Variants in KRT37 observed in about 807,000 individuals in gnomAD.
The protein encoded by KRT37 is keratin, type I cuticular Ha7.
Under a neutral mutation model 41.9 loss-of-function variants are expected in KRT37, and 38 were observed. The observed-to-expected ratio is 0.91, with a 90% CI of 0.70 to 1.19. The LOEUF (loss-of-function observed/expected upper bound fraction) is 1.19. Ranked by LOEUF, KRT37 falls within the 50% of genes most tolerant of loss-of-function variation. The pLI is 0.00. For missense variants in KRT37, 580 were observed against 575.5 expected, an observed-to-expected ratio of 1.01 and a Z score of -0.08; for synonymous variants, 252 against 243.4, an observed-to-expected ratio of 1.04 and a Z score of -0.33.
At position 41,424,274 on chromosome 17, in the gene KRT37, G is replaced by T. The variant is rs769204620; in HGVS notation, c.250C>A (p.His84Asn). 6.2e-7 allele frequency: 1 copy of T among 1,614,220 alleles called. No homozygotes were observed. The highest frequency in any genetic ancestry group is 8.5e-7 in the Non-Finnish European group (1 of 1,180,036). ...HTACPLPGTC[H>N]IPGNIGICGA... is the part of the protein sequence containing the mutation. ...CAGATTCCGATGTTGCCGGGAATGT[G>T]ACAGGTCCCTGGCAAGGGACAAGCA... The change falls in exon 1 of 7, where the codon CAC becomes AAC. Residue 84 changes from histidine (H) to asparagine (N), a missense_variant. By Grantham distance (68) the His-to-Asn change is moderately conservative. Coordinates refer to ENST00000225550, the MANE Select transcript of KRT37 (RefSeq NM_003770.5).
In KRT37 at chr17:41,424,526, T is replaced by C. The variant is rs73983421; in HGVS notation, c.-3A>G. On this transcript the variant is annotated 5_prime_UTR_variant, in exon 1 of 7. Transcript: ENST00000225550. ...GAGGTGCTGTAGAAGGAGGTCATGG[T>C]GTAGGGCTGAGGCTGCACAGGAGCT... The C allele has an allele frequency of 1.7e-3, 2,699 of 1,566,016 alleles. 34 individuals carry two copies. In the African/African-American group the frequency reaches 0.032, roughly 18 times the overall value.
At position 41,424,139 on chromosome 17, in the gene KRT37, T is replaced by A. The variant is rs1418324656; in HGVS notation, c.385A>T (p.Asn129Tyr). The change falls in exon 1 of 7, where the codon AAT becomes TAT. Residue 129 changes from asparagine to tyrosine, a missense_variant. Asn to Tyr is a moderately radical substitution (Grantham distance 143). Coordinates refer to ENST00000225550, the MANE Select transcript of KRT37 (RefSeq NM_003770.5). ...AGGAGTGTGGTCTCCAGCTCTGCATTCTCCTGCTCCAGCTGGCGCACCTTC... is the reference window on the plus strand; with the variant it reads ...AGGAGTGTGGTCTCCAGCTCTGCATACTCCTGCTCCAGCTGGCGCACCTTC... ...LEKVRQLEQE[N>Y]AELETTLLER... 3 of 1,614,066 alleles carry A rather than the reference T, an allele frequency of 1.9e-6. No individual in the cohort carries two copies. The highest frequency in any genetic ancestry group is 2.5e-6 in the Non-Finnish European group (3 of 1,180,048).
At position 41,420,758 on chromosome 17, in the gene KRT37, T is replaced by A; in HGVS notation, c.*120A>T. ...GGAGCCACTCCTTGGAAGTATCTGC[T>A]ACCGGTTGATTTAGGGAAAATGCCT... is the stretch of plus-strand genomic sequence containing the variant. On this transcript the variant is annotated 3_prime_UTR_variant, in exon 7 of 7. Coordinates refer to ENST00000225550, the MANE Select transcript of KRT37 (RefSeq NM_003770.5). 1.6e-6 allele frequency: 1 copy of A among 617,572 alleles called. No individual in the cohort carries two copies. Among genetic ancestry groups the A allele is most frequent in the Middle Eastern group, 2.7e-4 (1 of 3,716 alleles). The allele number at this position is 617,572 out of a possible 1,614,324, so 38.3% of individuals were successfully genotyped here. A position where few individuals can be genotyped will look rare whatever the true frequency, so the allele number is the denominator to read the frequency against.
rs370526390 is a variant in KRT37, at chr17:41,422,859, C to G, written c.651G>C (p.Ala217=). 18 of 1,613,982 alleles carry G rather than the reference C, an allele frequency of 1.1e-5. No individual in the cohort carries two copies. The highest frequency in any genetic ancestry group is 2.7e-5 in the African/African-American group (2 of 74,940). ...CCTCCAGGTCGGCCTTGGCCAGGGTCGCGTCATCCAGGAGCTTCTGCGTCC... is the reference window on the plus strand; with the variant it reads ...CCTCCAGGTCGGCCTTGGCCAGGGTGGCGTCATCCAGGAGCTTCTGCGTCC... ...KCGTQKLLDD[A]TLAKADLEAQ... The change falls in exon 3 of 7, where the codon GCG becomes GCC. Residue 217 remains alanine, a synonymous_variant. Coordinates refer to ENST00000225550, the MANE Select transcript of KRT37 (RefSeq NM_003770.5).
chr17:41,424,551 T>C lies in KRT37; in HGVS notation c.-28A>G. ...TGTAGGGCTGAGGCTGCACAGGAGC[T>C]TCAGATCAGCTGGGAAGGCTGAGCC... is the stretch of plus-strand genomic sequence containing the variant. On this transcript the variant is annotated 5_prime_UTR_variant, in exon 1 of 7. Transcript: ENST00000225550. 1 of 1,534,784 alleles carries C rather than the reference T, an allele frequency of 6.5e-7. No individual in the cohort carries two copies. Among genetic ancestry groups the C allele is most frequent in the Non-Finnish European group, 8.8e-7 (1 of 1,138,912 alleles).
At position 41,421,385 on chromosome 17, in the gene KRT37, A is replaced by G. The variant is rs972853880; in HGVS notation, c.1223T>C (p.Leu408Pro). ...ENEIATYRNL[L>P]ESEDCKLPCN... ...CACGTACTTGCAGTCCTCGCTCTCCAGAAGGTTCCGGTATGTGGCAATCTC... is the reference window on the plus strand; with the variant it reads ...CACGTACTTGCAGTCCTCGCTCTCCGGAAGGTTCCGGTATGTGGCAATCTC... Residue 408 changes from leucine to proline, a missense_variant, in exon 6 of 7, where the codon CTG becomes CCG. Coordinates refer to ENST00000225550, the MANE Select transcript of KRT37 (RefSeq NM_003770.5). 1.9e-6 allele frequency: 3 copies of G among 1,614,098 alleles called. No individual in the cohort carries two copies. In the African/African-American group the frequency reaches 4.0e-5, roughly 22 times the overall value.
chr17:41,422,524 A>G, intron 3 of KRT37, 90 bp from the exon 4 acceptor site: 1 of 1,522,800 alleles, frequency 6.6e-7, no homozygotes, highest in South Asian at 1.2e-5. Context: ...GGCAAGCAGT[A>G]GGAGGGGAGT....
At position 41,421,444 on chromosome 17, in the gene KRT37, C is replaced by T. The variant is rs773615342; in HGVS notation, c.1164G>A (p.Gln388=). 3 of 1,614,234 alleles carry T rather than the reference C, an allele frequency of 1.9e-6. No homozygotes were observed. The highest frequency in any genetic ancestry group is 2.2e-5 in the South Asian group (2 of 91,090). ...ADLERQNQEY[Q]VLLDVKARLE... The stretch of plus-strand genomic sequence containing the variant: ...ACCGGGCCTTCACGTCCAGCAGCAC[C>T]TGGTACTCCTGGTTCTGCCGCTCCA... The change falls in exon 6 of 7, where the codon CAG becomes CAA. Residue 388 remains glutamine (Q), a synonymous_variant. Transcript: ENST00000225550.
chr17:41,423,985 C>T (rs766840317), intron 1 of KRT37, 47 bp downstream of exon 1: 2 of 1,604,272 alleles, frequency 1.2e-6, no homozygotes, highest in South Asian at 2.2e-5. Flanking sequence ...CCTGCGAAGG[C>T]TTCTGCCTTC....
At chr17:41,421,859 A>G (rs569056942) in intron 5 of KRT37, among the ~76,000 whole-genome samples, 33 of 152,242 alleles carry the variant, frequency 2.2e-4, no homozygotes, top group African/African-American at 7.2e-4. Flanking sequence ...GAACTTCCGC[A>G]CTGTGTTGTA....
Position 41,423,599 on chromosome 17 carries a change from A to G in KRT37, c.575+163T>C, listed in dbSNP as rs530342755. The G allele has an allele frequency of 8.9e-5, 56 of 632,358 alleles. No individual in the cohort carries two copies. The Middle Eastern group carries it at 2.5e-3, about 29-fold the overall frequency. 39.2% of individuals were successfully genotyped at this position (632,358 alleles called of 1,614,324 possible). ...ATGCTTATATTCTCTTTCCTCCTAT[A>G]TAATGACCATTTCTAGCAACAGGCT... On this transcript the variant is annotated intron_variant, in intron 2 of 6. Coordinates refer to ENST00000225550, the MANE Select transcript of KRT37 (RefSeq NM_003770.5).
rs765141423 is a variant in KRT37, at chr17:41,421,410, C to G, written c.1198G>C (p.Glu400Gln). The G allele has an allele frequency of 1.2e-6, 2 of 1,614,244 alleles. No individual in the cohort carries two copies. The highest frequency in any genetic ancestry group is 1.7e-6 in the Non-Finnish European group (2 of 1,180,044). The change falls in exon 6 of 7, where the codon GAG (glutamate) becomes CAG (glutamine). Residue 400 changes from glutamate to glutamine, a missense_variant. By Grantham distance (29) the Glu-to-Gln change is conservative (BLOSUM62 2). Transcript: ENST00000225550. ...LLDVKARLEN[E>Q]IATYRNLLES... ...AGAAGGTTCCGGTATGTGGCAATCT[C>G]GTTCTCCAACCGGGCCTTCACGTCC...
chr17:41,421,682 A>G, intron 5 of KRT37, 95 bp from the exon 6 acceptor site: 1 of 1,176,290 alleles, frequency 8.5e-7, no homozygotes, highest in Non-Finnish European at 1.2e-6. Context: ...GCAAATTCCA[A>G]AATGTCATAG....
Position 41,421,944 on chromosome 17 carries a change from C to T in KRT37, c.1020+125G>A, listed in dbSNP as rs192187389. On this transcript the variant is annotated intron_variant, in intron 5 of 6. Transcript: ENST00000225550. ...GAACTTGACAGCAAGACGTCTCCATCGGGTATAGAGGACCCCAGATCTTGA... is the reference window on the plus strand; with the variant it reads ...GAACTTGACAGCAAGACGTCTCCATTGGGTATAGAGGACCCCAGATCTTGA... 1.4e-3 allele frequency: 2,065 copies of T among 1,506,016 alleles called. 7 individuals are homozygous for T. Among genetic ancestry groups the T allele is most frequent in the Non-Finnish European group, 1.6e-3 (1,830 of 1,110,220 alleles). The allele number at this position is 1,506,016 out of a possible 1,614,324, so 93.3% of individuals were successfully genotyped here. A position where few individuals can be genotyped will look rare whatever the true frequency, so the allele number is the denominator to read the frequency against.
In KRT37 at chr17:41,422,200, G is replaced by C. The variant is rs370559278; in HGVS notation, c.895-6C>G. 6.2e-7 allele frequency: 1 copy of C among 1,614,142 alleles called. No individual in the cohort carries two copies. On this transcript the variant is annotated splice_region_variant and splice_polypyrimidine_tract_variant and intron_variant, in intron 4 of 6. Transcript: ENST00000225550. ...TGCAGGCTGATGCCTTCAGACTGGAGCACAGAGAAACACAGTCACCTCCCT... is the reference window on the plus strand; with the variant it reads ...TGCAGGCTGATGCCTTCAGACTGGACCACAGAGAAACACAGTCACCTCCCT...
At chr17:41,421,917 C>G in intron 5 of KRT37, 152 bp downstream of exon 5, 1 of 1,383,534 alleles carries the variant, frequency 7.2e-7, no homozygotes, top group East Asian at 2.3e-5. Context: ...CTGGGTCACA[C>G]TGAACTTGAC....
Position 41,423,807 on chromosome 17 carries a change from AC to A in KRT37, c.529del (p.Val177TyrfsTer55). On this transcript the variant is annotated frameshift_variant, in exon 2 of 7. Coordinates refer to ENST00000225550, the MANE Select transcript of KRT37 (RefSeq NM_003770.5). LOFTEE classifies it high-confidence loss of function. ...CSKAENARLI[V>X]QIDNAKLAAD... ...AGCCAGCTTCGCGTTGTCAATTTGT[AC>A]AATCAGCCTGGCATTCTCAGCCTTG... 1 of 1,614,196 alleles carries A rather than the reference AC, an allele frequency of 6.2e-7. No homozygotes were observed. The highest frequency in any genetic ancestry group is 8.5e-7 in the Non-Finnish European group (1 of 1,180,032).
rs1396188108 is a variant in KRT37 at position 41,424,535 on chromosome 17, G to A, written c.-12C>T. The A allele has an allele frequency of 6.4e-7, 1 of 1,550,780 alleles. No homozygotes were observed. Among genetic ancestry groups the A allele is most frequent in the Non-Finnish European group, 8.7e-7 (1 of 1,145,684 alleles). On this transcript the variant is annotated 5_prime_UTR_variant, in exon 1 of 7. Coordinates refer to ENST00000225550, the MANE Select transcript of KRT37 (RefSeq NM_003770.5). ...TAGAAGGAGGTCATGGTGTAGGGCT[G>A]AGGCTGCACAGGAGCTTCAGATCAG...
In KRT37 at chr17:41,420,813, G is replaced by A. The variant is rs918124979; in HGVS notation, c.*65C>T. On this transcript the variant is annotated 3_prime_UTR_variant, in exon 7 of 7. Coordinates refer to ENST00000225550, the MANE Select transcript of KRT37 (RefSeq NM_003770.5). ...GAGTCTAGTCTTGAAGGAAGACTGG[G>A]CAAGGTGAGGGCACTCCTGACCCCA... 14 of 1,049,388 alleles carry A rather than the reference G, an allele frequency of 1.3e-5. No homozygotes were observed. The highest frequency in any genetic ancestry group is 1.1e-4 in the South Asian group (8 of 71,642). 65.0% of individuals were successfully genotyped at this position (1,049,388 alleles called of 1,614,324 possible).
Sources: gnomAD v4.1 joint callset for allele counts (sites outside exome capture counted in the v4.1 genomes callset) on GRCh38, gnomAD v4.1.1 for gene constraint, MANE v1.5 for transcripts, NCBI Gene and HGNC (gene_info 2026-07-23, HGNC 2026-07-21) for gene names.